The following TUBGCP6 variants were observed in gnomAD, a reference collection of about 807,000 sequenced individuals.
TUBGCP6 encodes the protein gamma-tubulin complex component 6.
TUBGCP6 carries 161 observed loss-of-function variants against 175.8 expected under a neutral mutation model. The ratio of observed to expected loss-of-function variants is 0.92; its 90% CI spans 0.81 to 1.04. TUBGCP6 has a LOEUF of 1.04. Among genes scored for constraint, TUBGCP6 ranks in the 50% least tolerant of loss-of-function variants. The pLI is 0.00. For missense variants in TUBGCP6, 2,572 were observed against 2,433.0 expected, an observed-to-expected ratio of 1.06 and a Z score of -1.20; for synonymous variants, 1,173 against 1,030.5, an observed-to-expected ratio of 1.14 and a Z score of -2.65.
Position 50,244,429 on chromosome 22 carries a change from G to C in TUBGCP6, c.31C>G (p.Leu11Val), listed in dbSNP as rs757134601. Residue 11 changes from leucine to valine, a missense_variant, in exon 1 of 25, where the codon CTG becomes GTG. Transcript: ENST00000248846. MASITQLFDD[L>V]CEALLPAAKT... ...GCAGCCGGCAGGAGGGCCTCACACAGGTCGTCGAACAGCTGCGTGATGCTG... is the reference window on the plus strand; with the variant it reads ...GCAGCCGGCAGGAGGGCCTCACACACGTCGTCGAACAGCTGCGTGATGCTG... 1 of 1,612,680 alleles carries C rather than the reference G, an allele frequency of 6.2e-7. No individual in the cohort carries two copies. The highest frequency in any genetic ancestry group is 1.1e-5 in the South Asian group (1 of 91,054).
chr22:50,235,396 C>T (rs1054840407), intron 2 of TUBGCP6, among the ~76,000 whole-genome samples: 1 of 53,706 alleles, frequency 1.9e-5, no homozygotes, highest in Non-Finnish European at 3.6e-5. Context: ...GAGCCCCCAA[C>T]AGAGGAGGAT....
At position 50,219,801 on chromosome 22, in the gene TUBGCP6, C is replaced by T. The variant is rs1488279124; in HGVS notation, c.4168-10G>A. 2.5e-6 allele frequency: 4 copies of T among 1,611,400 alleles called. No homozygotes were observed. The highest frequency in any genetic ancestry group is 2.2e-5 in the East Asian group (1 of 44,806). ...GGGCAGCTGTGTCTTCCTAACAAAA[C>T]ACCAGCCTCAGAACCACCTCCCCAC... On this transcript the variant is annotated splice_polypyrimidine_tract_variant and intron_variant, in intron 17 of 24. Transcript: ENST00000248846.
At chr22:50,231,859 CAAA>C (rs71198231) in intron 3 of TUBGCP6, among the ~76,000 whole-genome samples, 1 of 123,068 alleles carries the variant, frequency 8.1e-6, no homozygotes, top group Non-Finnish European at 1.7e-5. Context: ...GACTCCGTCT[CAAA>C]AAAAAAAAAA....
Position 50,223,452 on chromosome 22 carries a change from C to T in TUBGCP6, c.2270+689G>A, listed in dbSNP as rs147906724. 1,125 of 153,054 alleles carry T rather than the reference C, an allele frequency of 7.4e-3. 6 individuals carry two copies. The highest frequency in any genetic ancestry group is 0.011 in the Non-Finnish European group (774 of 68,606). The allele number at this position is 153,054 out of a possible 1,614,324, so 9.5% of individuals were successfully genotyped here. On this transcript the variant is annotated intron_variant, in intron 13 of 24. Transcript: ENST00000248846. Reference sequence around the variant, plus strand: ...AGCACAGGACAGGTTGATAACAGCACAGGGAGACAGACGCAGATGCTGTGC... The same window carrying T: ...AGCACAGGACAGGTTGATAACAGCATAGGGAGACAGACGCAGATGCTGTGC...
At chr22:50,239,594 G>A (rs187873864) in intron 2 of TUBGCP6, among the ~76,000 whole-genome samples, 1 of 152,324 alleles carries the variant, frequency 6.6e-6, no homozygotes, top group African/African-American at 2.4e-5. Flanking sequence ...GGAGTGAGTG[G>A]CTACCGCATC....
rs1297233801 is a variant in TUBGCP6 at position 50,233,324 on chromosome 22, G to A, written c.1108C>T (p.Leu370Phe). 3.1e-6 allele frequency: 5 copies of A among 1,612,892 alleles called. No homozygotes were observed. Among genetic ancestry groups the A allele is most frequent in the African/African-American group, 1.3e-5 (1 of 74,880 alleles). Residue 370 changes from leucine (L) to phenylalanine (F), a missense_variant, in exon 3 of 25, where the codon CTC becomes TTC. Leu to Phe is a conservative substitution (Grantham distance 22). Coordinates refer to ENST00000248846, the MANE Select transcript of TUBGCP6 (RefSeq NM_020461.4). ...LIGVVSATFS[L>F]CQPAQAFVVK... is the part of the protein sequence containing the mutation. Reference sequence around the variant, plus strand: ...GAGTGAGCAGTTCTCACCTGGCAGAGCGAAAACGTGGCAGACACGACCCCA... The same window carrying A: ...GAGTGAGCAGTTCTCACCTGGCAGAACGAAAACGTGGCAGACACGACCCCA...
At position 50,228,118 on chromosome 22, in the gene TUBGCP6, C is replaced by G. The variant is rs2147191913; in HGVS notation, c.1291-90G>C. ...AGGGGCACCAGTGCTGGGAACAGCGCTTTGTTTCTTGCCTCAGCTCTGGGC... is the reference window on the plus strand; with the variant it reads ...AGGGGCACCAGTGCTGGGAACAGCGGTTTGTTTCTTGCCTCAGCTCTGGGC... On this transcript the variant is annotated intron_variant, in intron 4 of 24. Transcript: ENST00000248846. 2.2e-6 allele frequency: 3 copies of G among 1,390,384 alleles called. No individual in the cohort carries two copies. The East Asian group carries it at 8.2e-5, about 38-fold the overall frequency. The allele number at this position is 1,390,384 out of a possible 1,614,324, so 86.1% of individuals were successfully genotyped here.
Position 50,218,225 on chromosome 22 carries a change from C to A in TUBGCP6, c.5132G>T (p.Arg1711Leu), listed in dbSNP as rs373160527. 1.2e-6 allele frequency: 2 copies of A among 1,612,738 alleles called. No individual in the cohort carries two copies. The highest frequency in any genetic ancestry group is 1.7e-6 in the Non-Finnish European group (2 of 1,179,892). ...ATVGDLEEIQ[R>L]AHAEYLHKAV... ...CTTGTGCAGGTACTCTGCGTGCGCA[C>A]GCTGGATCTCCTCCAGGTCGCCCAC... The change falls in exon 23 of 25, where the codon CGT becomes CTT. Residue 1711 changes from arginine (R) to leucine (L), a missense_variant. Coordinates refer to ENST00000248846, the MANE Select transcript of TUBGCP6 (RefSeq NM_020461.4).
chr22:50,224,733 C>T, intron 10 of TUBGCP6, 141 bp from the exon 11 acceptor site: 1 of 764,924 alleles, frequency 1.3e-6, no homozygotes, highest in South Asian at 1.7e-5. Flanking sequence ...ATAGCAAAAA[C>T]CCATCCCTAC....
At chr22:50,233,664 G>T in intron 2 of TUBGCP6, 138 bp from the exon 3 acceptor site, 2 of 848,712 alleles carry the variant, frequency 2.4e-6, no homozygotes, top group Non-Finnish European at 3.7e-6. Flanking sequence ...AACATAGCCA[G>T]GTATGAATGT....
In TUBGCP6 at chr22:50,225,773, G is replaced by A. The variant is rs189693106; in HGVS notation, c.1983+21C>T. On this transcript the variant is annotated intron_variant, in intron 10 of 24. Transcript: ENST00000248846. Reference sequence around the variant, plus strand: ...AGAGGCAGGGGCGAAGAAAGCCCCCGAGACCTGTGGTGCCACGCACCTTCT... The same window carrying A: ...AGAGGCAGGGGCGAAGAAAGCCCCCAAGACCTGTGGTGCCACGCACCTTCT... 8.9e-5 allele frequency: 143 copies of A among 1,600,866 alleles called. No individual in the cohort carries two copies. The African/African-American group carries it at 1.3e-3, about 14-fold the overall frequency.
intron 1 of TUBGCP6, 85 bp downstream of exon 1, chr22:50,243,634 A>AAGGAG: frequency 1.3e-6 from 1 of 789,088 alleles, no homozygotes; most frequent in African/African-American, 2.1e-5. Flanking sequence ...AAAAAAAAAA[A>AAGGAG]GAAGAAGAAG....
At chr22:50,229,665 C>G in intron 3 of TUBGCP6, 88 bp from the exon 4 acceptor site, 1 of 1,385,904 alleles carries the variant, frequency 7.2e-7, no homozygotes, top group Non-Finnish European at 9.7e-7. Flanking sequence ...TGCACCCAAC[C>G]CCACGCCACC....
chr22:50,239,687 C>T (rs920903345), intron 2 of TUBGCP6, among the ~76,000 whole-genome samples: 1 of 152,224 alleles, frequency 6.6e-6, no homozygotes, highest in African/African-American at 2.4e-5. Context: ...CTCCCAACTC[C>T]TCCAGACACG....
intron 4 of TUBGCP6, 115 bp downstream of exon 4, chr22:50,229,289 G>A: frequency 8.4e-7 from 1 of 1,197,434 alleles, no homozygotes; most frequent in Non-Finnish European, 1.2e-6. Context: ...TGTTAGCAAG[G>A]AAAGAAAAGG....
chr22:50,239,177 T>C (rs1371981459), intron 2 of TUBGCP6, among the ~76,000 whole-genome samples: 1 of 151,382 alleles, frequency 6.6e-6, no homozygotes, highest in Non-Finnish European at 1.5e-5. Flanking sequence ...TGTTTTTTTG[T>C]TTGTTTGTTT....
In TUBGCP6 at chr22:50,222,370, C is replaced by T. The variant is rs892813483; in HGVS notation, c.2409+84G>A. The T allele has an allele frequency of 5.4e-5, 85 of 1,571,992 alleles. No homozygotes were observed. The South Asian group carries it at 6.6e-4, about 12-fold the overall frequency. ...AGCCACCAGCCCTCTCCTAGAAGAG[C>T]ATGTAGGTTTGTGTGCAGTCTCAGG... On this transcript the variant is annotated intron_variant, in intron 14 of 24. Coordinates refer to ENST00000248846, the MANE Select transcript of TUBGCP6 (RefSeq NM_020461.4).
chr22:50,234,299 CA>C (rs1263008856), intron 2 of TUBGCP6, among the ~76,000 whole-genome samples: 7 of 108,754 alleles, frequency 6.4e-5, no homozygotes, highest in Admixed American at 1.1e-4. Flanking sequence ...CACCCACACC[CA>C]CCCATGGCAG....
chr22:50,217,897 C>G, intron 24 of TUBGCP6, 21 bp downstream of exon 24: 1 of 1,605,720 alleles, frequency 6.2e-7, no homozygotes, highest in Non-Finnish European at 8.5e-7. Context: ...CCGCAGCCCT[C>G]CCAGCCAGGG....
Sources: allele counts gnomAD v4.1 joint callset (sites outside exome capture counted in the v4.1 genomes callset), GRCh38; gene constraint gnomAD v4.1.1; transcripts MANE v1.5; gene names NCBI Gene and HGNC (gene_info 2026-07-23, HGNC 2026-07-21).